Variants in YY1 observed in about 807,000 individuals in gnomAD.
YY1 encodes transcriptional repressor protein YY1.
YY1 carries 2 observed loss-of-function variants against 35.6 expected under a neutral mutation model. The ratio of observed to expected loss-of-function variants is 0.06; its 90% CI spans 0.02 to 0.18. The LOEUF (loss-of-function observed/expected upper bound fraction) is 0.18, where lower values mean the gene tolerates loss of function less well. YY1 is among the 10% of genes least tolerant of loss of function. YY1 has a pLI of 1.00. For missense variants in YY1, 322 were observed against 573.4 expected, an observed-to-expected ratio of 0.56 and a Z score of 4.48; for synonymous variants, 268 against 238.9, an observed-to-expected ratio of 1.12 and a Z score of -1.12.
At chr14:100,274,945 A>C (rs1891298090) in intron 3 of YY1, among the ~76,000 whole-genome samples, 187 bp downstream of exon 3, 1 of 152,184 alleles carries the variant, frequency 6.6e-6, no homozygotes. Flanking sequence ...ATACTGTTAA[A>C]TGGGATGACT....
chr14:100,244,575 C>T (rs1338254084), intron 1 of YY1, among the ~76,000 whole-genome samples: 4 of 149,468 alleles, frequency 2.7e-5, no homozygotes, highest in Non-Finnish European at 3.0e-5. Flanking sequence ...GCCCGCCCCA[C>T]TCCCCACCCC....
In YY1 at chr14:100,277,312, G is replaced by A; in HGVS notation, c.1063-106G>A. The stretch of plus-strand genomic sequence containing the variant: ...TTCACCCAGGGCAGGAATGAAAAGT[G>A]TTTGGTAAAATAAATAGGCTGTTCT... On this transcript the variant is annotated intron_variant, in intron 4 of 4. Coordinates refer to ENST00000262238, the MANE Select transcript of YY1 (RefSeq NM_003403.5). The surrounding 1 kb of genome is among the most constrained non-coding windows in gnomAD (Gnocchi z 5.6). 2.2e-6 allele frequency: 3 copies of A among 1,388,304 alleles called. No homozygotes were observed. The highest frequency in any genetic ancestry group is 2.0e-6 in the Non-Finnish European group (2 of 982,744). 86.0% of individuals were successfully genotyped at this position (1,388,304 alleles called of 1,614,324 possible). A position where few individuals can be genotyped will look rare whatever the true frequency, so the allele number is the denominator to read the frequency against.
chr14:100,252,322 G>C (rs1890936659), intron 1 of YY1, among the ~76,000 whole-genome samples: 1 of 152,202 alleles, frequency 6.6e-6, no homozygotes, highest in African/African-American at 2.4e-5. Flanking sequence ...AGAACACCGA[G>C]CAGCTGGGAG....
chr14:100,270,948 T>G (rs1021995138), intron 2 of YY1, among the ~76,000 whole-genome samples: 1 of 151,216 alleles, frequency 6.6e-6, no homozygotes, highest in Non-Finnish European at 1.5e-5. Flanking sequence ...ACATTAAAAC[T>G]TAAAAAAAAA....
chr14:100,276,433 T>A lies in YY1; in HGVS notation c.904-57T>A. ...ATGTCAGTAAAGGCTGTTAAATGGT[T>A]GAATCCTTTCTAACAGTTTGCAATG... On this transcript the variant is annotated intron_variant, in intron 3 of 4. Coordinates refer to ENST00000262238, the MANE Select transcript of YY1 (RefSeq NM_003403.5). This position sits in a 1 kb window ranked among gnomAD's most constrained non-coding sequence, Gnocchi z 4.1. 1 of 1,612,858 alleles carries A rather than the reference T, an allele frequency of 6.2e-7. No individual in the cohort carries two copies. The highest frequency in any genetic ancestry group is 8.5e-7 in the Non-Finnish European group (1 of 1,178,948).
intron 1 of YY1, among the ~76,000 whole-genome samples, chr14:100,245,209 T>G (rs1378922377): frequency 1.3e-5 from 2 of 152,230 alleles, no homozygotes; most frequent in African/African-American, 4.8e-5. Context: ...GTGCTGGGAT[T>G]ACAGGCGTGA....
At chr14:100,275,060 C>T (rs1891299640) in intron 3 of YY1, among the ~76,000 whole-genome samples, 1 of 152,082 alleles carries the variant, frequency 6.6e-6, no homozygotes, top group Non-Finnish European at 1.5e-5. Context: ...GGTTGTGTCT[C>T]ACCTATTGAC....
Position 100,277,023 on chromosome 14 carries a change from T to C in YY1, c.1062+375T>C. ...TGATAAAGTTTCTAGAGTGTAAGTA[T>C]AGGTAATACTTTAGCCCATAAATAA... On this transcript the variant is annotated intron_variant, in intron 4 of 4. Coordinates refer to ENST00000262238, the MANE Select transcript of YY1 (RefSeq NM_003403.5). This position sits in a 1 kb window ranked among gnomAD's most constrained non-coding sequence, Gnocchi z 5.6. 2.4e-6 allele frequency: 1 copy of C among 410,240 alleles called. No individual in the cohort carries two copies. Among genetic ancestry groups the C allele is most frequent in the Non-Finnish European group, 4.5e-6 (1 of 221,644 alleles). 25.4% of individuals were successfully genotyped at this position (410,240 alleles called of 1,614,324 possible).
intron 1 of YY1, among the ~76,000 whole-genome samples, chr14:100,248,483 G>C (rs947140126): frequency 3.3e-5 from 5 of 151,750 alleles, no homozygotes; most frequent in Non-Finnish European, 7.4e-5. Flanking sequence ...GAGATATTAG[G>C]AACTCTTGAG....
intron 2 of YY1, among the ~76,000 whole-genome samples, chr14:100,263,110 G>A (rs1188923233): frequency 6.6e-6 from 1 of 152,202 alleles, no homozygotes; most frequent in Non-Finnish European, 1.5e-5. Context: ...GTTTCATCCT[G>A]TTGGCCAGTC....
rs765354544 is a variant in YY1 at position 100,274,810 on chromosome 14, A to C, written c.903+52A>C. 10 of 1,550,162 alleles carry C rather than the reference A, an allele frequency of 6.5e-6. No homozygotes were observed. The South Asian group carries it at 1.0e-4, about 16-fold the overall frequency. ...CATTAAACTGTTGATGAAGTTTTAG[A>C]GAGTTATAAGAAATTTGCACTTTTG... On this transcript the variant is annotated intron_variant, in intron 3 of 4. Coordinates refer to ENST00000262238, the MANE Select transcript of YY1 (RefSeq NM_003403.5).
rs191346682 is a variant in YY1 at position 100,280,304 on chromosome 14, C to T, written c.*2704C>T. 3 of 152,244 alleles carry T rather than the reference C, an allele frequency of 2.0e-5. No homozygotes were observed. The highest frequency in any genetic ancestry group is 1.9e-4 in the East Asian group (1 of 5,178). 9.4% of individuals were successfully genotyped at this position (152,244 alleles called of 1,614,324 possible). On this transcript the variant is annotated 3_prime_UTR_variant, in exon 5 of 5. Transcript: ENST00000262238. ...GGATTAATCTGATTTATAAGTAATA[C>T]TGATAGACATATTTTCGTACATCTG...
chr14:100,259,444 T>G (rs1485386186), intron 1 of YY1, among the ~76,000 whole-genome samples: 3 of 151,654 alleles, frequency 2.0e-5, no homozygotes, highest in Admixed American at 1.3e-4. Flanking sequence ...CACTTGAACC[T>G]GGGAGGCGGA....
rs1891411365 is a variant in YY1, at chr14:100,280,893, T to G, written c.*3293T>G. ...CAGACTGGTCTCAGACCAGAGTTTG[T>G]GGCACAGGAAAACCTGGCCCCCTAA... is the stretch of plus-strand genomic sequence containing the variant. On this transcript the variant is annotated 3_prime_UTR_variant, in exon 5 of 5. Transcript: ENST00000262238. 1 of 151,976 alleles carries G rather than the reference T, an allele frequency of 6.6e-6. No individual in the cohort carries two copies. The highest frequency in any genetic ancestry group is 2.1e-4 in the South Asian group (1 of 4,826). 9.4% of individuals were successfully genotyped at this position (151,976 alleles called of 1,614,324 possible).
chr14:100,240,377 G>C (rs1237996990), intron 1 of YY1, among the ~76,000 whole-genome samples: 2 of 148,744 alleles, frequency 1.3e-5, no homozygotes, highest in Non-Finnish European at 3.0e-5. Flanking sequence ...TGCTGCCTCC[G>C]GGACGCGCGC....
chr14:100,267,619 G>A (rs1891174475), intron 2 of YY1, among the ~76,000 whole-genome samples: 1 of 152,026 alleles, frequency 6.6e-6, no homozygotes, highest in South Asian at 2.1e-4. Context: ...TGCCTCCTGG[G>A]TTCAAGCAAT....
chr14:100,264,115 T>G (rs1246896321), intron 2 of YY1: 1 of 152,170 alleles, frequency 6.6e-6, no homozygotes, highest in Admixed American at 6.6e-5. Context: ...TCCTCCTGCC[T>G]CGGTCTCTCA....
In YY1 at chr14:100,260,771, C is replaced by CTTTTT. The variant is rs71113254; in HGVS notation, c.680-1498_680-1494dup. ...CAGGTGTGAGCCACCGTGCCTGGTC[C>CTTTTT]TTTTTTTTTTTTTTTTTTTTTTTTT... On this transcript the variant is annotated intron_variant, in intron 1 of 4. Transcript: ENST00000262238. Among the ~76,000 whole-genome samples, 31 of 42,568 alleles carry CTTTTT rather than the reference C, an allele frequency of 7.3e-4. 8 individuals are homozygous for CTTTTT. Among genetic ancestry groups the CTTTTT allele is most frequent in the African/African-American group, 9.2e-4 (10 of 10,868 alleles). The allele number at this position is 42,568 out of a possible 152,430, so 27.9% of individuals were successfully genotyped here. A position where few individuals can be genotyped will look rare whatever the true frequency, so the allele number is the denominator to read the frequency against.
chr14:100,276,498 A>T lies in YY1; in HGVS notation c.912A>T (p.Thr304=). ...RTIACPHKGC[T]KMFRDNSAMR... ...GCTTTCTCTGTTTTAAGGGCTGCAC[A>T]AAGATGTTCAGGGATAACTCGGCCA... Residue 304 remains threonine (T), a synonymous_variant, in exon 4 of 5, where the codon ACA becomes ACT. Coordinates refer to ENST00000262238, the MANE Select transcript of YY1 (RefSeq NM_003403.5). This position sits in a 1 kb window ranked among gnomAD's most constrained non-coding sequence, Gnocchi z 4.1. The T allele has an allele frequency of 1.2e-6, 2 of 1,614,256 alleles. No homozygotes were observed. The highest frequency in any genetic ancestry group is 1.7e-6 in the Non-Finnish European group (2 of 1,180,048).
Sources: gnomAD v4.1 joint callset for allele counts (sites outside exome capture counted in the v4.1 genomes callset) on GRCh38, gnomAD v4.1.1 for gene constraint, Gnocchi (gnomAD v3.1) non-coding constraint, MANE v1.5 for transcripts, NCBI Gene and HGNC (gene_info 2026-07-23, HGNC 2026-07-21) for gene names.